Variants in GNL3L observed in about 807,000 individuals in gnomAD.
GNL3L encodes the protein G protein nucleolar 3 like, also known as guanine nucleotide-binding protein-like 3-like protein.
GNL3L carries 4 observed loss-of-function variants against 42.9 expected under a neutral mutation model. That is an observed-to-expected ratio of 0.09 (90% CI 0.05 to 0.21). The LOEUF is 0.21. Among genes scored for constraint, GNL3L ranks in the 10% least tolerant of loss-of-function variants. GNL3L has a pLI of 1.00. For synonymous variants in GNL3L, 159 were observed against 176.3 expected (o/e 0.90, Z 0.78); for missense variants, 412 against 481.7 (o/e 0.86, Z 1.36).
chrX:54,572,582 C>G (rs1251523298), intron 16 of GNL3L, among the ~76,000 whole-genome samples: 10 of 111,137 alleles, frequency 9.0e-5, no homozygotes, highest in African/African-American at 2.9e-4. Flanking sequence ...GTAGGGGCGG[C>G]TGGGCAGAGG....
chrX:54,557,792 G>C (rs1055850793), intron 14 of GNL3L, among the ~76,000 whole-genome samples: 4 of 110,712 alleles, frequency 3.6e-5, no homozygotes, highest in African/African-American at 1.3e-4. Context: ...TTGATGCTTA[G>C]GCTGGTCTCA....
intron 16 of GNL3L, among the ~76,000 whole-genome samples, chrX:54,589,940 T>A (rs996455029): frequency 1.8e-5 from 2 of 110,166 alleles, no homozygotes; most frequent in African/African-American, 6.6e-5. Flanking sequence ...TTTTTTTTTT[T>A]ATTAATTATT....
intron 16 of GNL3L, among the ~76,000 whole-genome samples, chrX:54,581,874 T>A (rs1268673298): frequency 2.7e-5 from 3 of 112,239 alleles, no homozygotes; most frequent in Non-Finnish European, 5.6e-5. Flanking sequence ...GATGAACATT[T>A]TTTTTGGTGC....
At chrX:54,640,402 T>TGCAGTCAGAGTGTACACA in the GNL3L span, among the ~76,000 whole-genome samples, 3 of 112,243 alleles carry the variant, frequency 2.7e-5, no homozygotes, top group Non-Finnish European at 5.6e-5. Context: ...TTTAGGTTGT[T>TGCAGTCAGAGTGTACACA]GCAGTCAGAG....
intron 13 of GNL3L, among the ~76,000 whole-genome samples, chrX:54,554,303 C>T (rs1335803490): frequency 9.0e-6 from 1 of 111,611 alleles, no homozygotes. Flanking sequence ...CTCACAGCAG[C>T]CCAGTGTGAA....
In GNL3L at chrX:54,563,096, T is replaced by C. The variant is rs1009033432; in HGVS notation, c.*2494T>C. On this transcript the variant is annotated 3_prime_UTR_variant, in exon 16 of 16. Transcript: ENST00000360845. The stretch of plus-strand genomic sequence containing the variant: ...GTGCTCTTGAATAGGCTACAACTTA[T>C]TTCACACTATCTCATTGAACTCTCC... Among the ~76,000 whole-genome samples, 8 of 112,198 alleles carry C rather than the reference T, an allele frequency of 7.1e-5. No homozygotes were observed. The highest frequency in any genetic ancestry group is 2.6e-4 in the African/African-American group (8 of 30,874).
rs147436096 is a variant in GNL3L, at chrX:54,600,672, C to T, written c.*46-20173C>T. 1.4e-4 allele frequency among the ~76,000 whole-genome samples: 15 copies of T among 110,738 alleles called. No individual in the cohort carries two copies. In the East Asian group the frequency reaches 3.4e-3, roughly 25 times the overall value. Reference sequence around the variant, plus strand: ...CCCAAGGGTAGGCTCTTTATTATTGCTGGGCAAGGAGGGGACTTCTGTCTC... The same window carrying T: ...CCCAAGGGTAGGCTCTTTATTATTGTTGGGCAAGGAGGGGACTTCTGTCTC... On this transcript the variant is annotated intron_variant, in intron 16 of 16. Transcript: ENST00000674498.
In GNL3L at chrX:54,607,016, CTTTCTTTCTTTCTTTCTTTCTT is replaced by C. The variant is rs1569542580; in HGVS notation, c.*46-13827_*46-13806del. ...CTTTCCTTTCTTTCTTTCTTTCTTT[CTTTCTTTCTTTCTTTCTTTCTT>C]TCTTTCTTTCTTTCTTTCTTTCTTT... On this transcript the variant is annotated intron_variant, in intron 16 of 16. Coordinates refer to the GNL3L transcript ENST00000674498. 8.8e-4 allele frequency among the ~76,000 whole-genome samples: 48 copies of C among 54,570 alleles called. 3 individuals carry two copies. Among genetic ancestry groups the C allele is most frequent in the African/African-American group, 3.9e-3 (42 of 10,740 alleles). The allele number at this position is 54,570 out of a possible 115,157, so 47.4% of individuals were successfully genotyped here.
chrX:54,595,884 A>G (rs1336092194), intron 16 of GNL3L, among the ~76,000 whole-genome samples: 3 of 112,235 alleles, frequency 2.7e-5, no homozygotes, highest in African/African-American at 9.7e-5. Context: ...ATTTTTCAAA[A>G]CTATGTCAAT....
At chrX:54,618,171 C>T (rs1245368297) in intron 16 of GNL3L, among the ~76,000 whole-genome samples, 2 of 111,119 alleles carry the variant, frequency 1.8e-5, no homozygotes, top group African/African-American at 6.5e-5. Context: ...GCTCATTCCT[C>T]CCTCTTGAGC....
intron 16 of GNL3L, among the ~76,000 whole-genome samples, chrX:54,597,756 G>A (rs759533208): frequency 1.2e-3 from 137 of 111,461 alleles, no homozygotes; most frequent in Middle Eastern, 9.3e-3. Flanking sequence ...TCTGACTAGG[G>A]CTGGTTTAAA....
At chrX:54,624,692 C>T (rs191824467), downstream of GNL3L, among the ~76,000 whole-genome samples, 1 of 110,024 alleles carries the variant, frequency 9.1e-6, no homozygotes, top group East Asian at 2.9e-4. Context: ...CCGCCTGCCT[C>T]GGCCTCCCAA....
At chrX:54,626,852 A>G in the GNL3L span, among the ~76,000 whole-genome samples, 1 of 110,571 alleles carries the variant, frequency 9.0e-6, no homozygotes, top group Non-Finnish European at 1.9e-5. Flanking sequence ...CCACTTTTCA[A>G]TTGGATTATT....
intron 2 of GNL3L, among the ~76,000 whole-genome samples, chrX:54,537,629 T>C (rs2147473015): frequency 9.0e-6 from 1 of 111,512 alleles, no homozygotes; most frequent in African/African-American, 3.3e-5. Context: ...TTCTATTGAA[T>C]TTTTTTAAGA....
At chrX:54,625,915 G>A (rs1039514662), downstream of GNL3L, among the ~76,000 whole-genome samples, 2 of 110,661 alleles carry the variant, frequency 1.8e-5, no homozygotes, top group Non-Finnish European at 3.8e-5. Context: ...TTAGTTGACA[G>A]GTAATAATTA....
At chrX:54,549,805 A>G (rs180855316) in intron 9 of GNL3L, among the ~76,000 whole-genome samples, 28 of 112,396 alleles carry the variant, frequency 2.5e-4, no homozygotes, top group African/African-American at 9.0e-4. Flanking sequence ...CACAAATACC[A>G]GACATGTCAC....
Position 54,563,511 on chromosome X carries a change from C to T in GNL3L, c.*2909C>T, listed in dbSNP as rs775114800. 6.3e-5 allele frequency among the ~76,000 whole-genome samples: 7 copies of T among 111,783 alleles called. No homozygotes were observed. In the Admixed American group the frequency reaches 6.7e-4, roughly 11 times the overall value. On this transcript the variant is annotated 3_prime_UTR_variant, in exon 16 of 16. Transcript: ENST00000360845. ...AGAATTTGGGACTGCAGGCCAGTTA[C>T]GATAGCTCTCACCTGTAATCCCAGC...
chrX:54,549,973 A>G (rs5960313), intron 9 of GNL3L, among the ~76,000 whole-genome samples: 14,185 of 109,962 alleles, frequency 0.13, 1,413 homozygotes, highest in African/African-American at 0.33. Context: ...GAGCATGGAC[A>G]GAGGCTGACA....
At chrX:54,644,653 G>T in the GNL3L span, among the ~76,000 whole-genome samples, 1 of 112,072 alleles carries the variant, frequency 8.9e-6, no homozygotes, top group East Asian at 2.8e-4. Context: ...CCACCCCATT[G>T]TAATTAATGT....
Sources: allele counts gnomAD v4.1 joint callset (sites outside exome capture counted in the v4.1 genomes callset), GRCh38; gene constraint gnomAD v4.1.1; transcripts MANE v1.5; gene names NCBI Gene and HGNC (gene_info 2026-07-23, HGNC 2026-07-21).